XRCC5: variants seen among roughly 807,000 people sequenced by gnomAD.
The protein encoded by XRCC5 is X-ray repair cross complementing 5.
XRCC5 carries 12 observed loss-of-function variants against 95.7 expected under a neutral mutation model. The ratio of observed to expected loss-of-function variants is 0.13; its 90% CI spans 0.08 to 0.20. The LOEUF (loss-of-function observed/expected upper bound fraction) is 0.20. Ranked by LOEUF, XRCC5 falls within the 10% of genes least tolerant of loss-of-function variation. The pLI is 1.00. For synonymous variants in XRCC5, 281 were observed against 290.3 expected (o/e 0.97, Z 0.33); for missense variants, 595 against 873.9 (o/e 0.68, Z 4.02).
chr2:216,114,257 T>G (rs1696643495), intron 2 of XRCC5, among the ~76,000 whole-genome samples: 1 of 152,178 alleles, frequency 6.6e-6, no homozygotes, highest in Admixed American at 6.5e-5. Flanking sequence ...AGTTCCTGCT[T>G]CTTTCATTGT....
chr2:216,129,138 T>A (rs764048676), intron 8 of XRCC5, among the ~76,000 whole-genome samples: 11 of 152,184 alleles, frequency 7.2e-5, no homozygotes, highest in Non-Finnish European at 1.5e-4. Flanking sequence ...GATCTAGTGA[T>A]AAGGATGGAT....
At position 216,166,492 on chromosome 2, in the gene XRCC5, T is replaced by C. The variant is rs140830930; in HGVS notation, c.1834+4444T>C. 2.5e-3 allele frequency among the ~76,000 whole-genome samples: 387 copies of C among 152,320 alleles called. 3 individuals carry two copies. Among genetic ancestry groups the C allele is most frequent in the African/African-American group, 8.6e-3 (357 of 41,582 alleles). On this transcript the variant is annotated intron_variant, in intron 16 of 20. Coordinates refer to ENST00000392132, the MANE Select transcript of XRCC5 (RefSeq NM_021141.4). Reference sequence around the variant, plus strand: ...AGTTATGAAAGTAGGGTTGTTTCCCTACATACACTATTCATAAGCACATCA... The same window carrying C: ...AGTTATGAAAGTAGGGTTGTTTCCCCACATACACTATTCATAAGCACATCA...
chr2:216,131,422 C>G (rs941215835), intron 9 of XRCC5, among the ~76,000 whole-genome samples: 1 of 152,304 alleles, frequency 6.6e-6, no homozygotes, highest in African/African-American at 2.4e-5. Context: ...AAACCGCAGG[C>G]TCCAGATTTC....
intron 8 of XRCC5, chr2:216,130,566 T>G (rs1317001096): frequency 4.7e-6 from 1 of 211,886 alleles, no homozygotes; most frequent in Non-Finnish European, 9.2e-6. Context: ...GGAGGATAAC[T>G]AGTACGTTAA....
intron 20 of XRCC5, among the ~76,000 whole-genome samples, chr2:216,204,898 CTT>C (rs952581462): frequency 3.9e-5 from 6 of 152,162 alleles, no homozygotes; most frequent in Admixed American, 3.9e-4. Flanking sequence ...TAGTAAATGT[CTT>C]TTGTATCTAT....
chr2:216,192,393 A>G (rs755464628), intron 17 of XRCC5, among the ~76,000 whole-genome samples: 7 of 152,216 alleles, frequency 4.6e-5, no homozygotes, highest in African/African-American at 9.6e-5. Flanking sequence ...GTTAAAAACA[A>G]AGGGCTAGGC....
intron 3 of XRCC5, 180 bp downstream of exon 3, chr2:216,117,022 C>T: frequency 3.0e-6 from 2 of 660,828 alleles, no homozygotes; most frequent in Non-Finnish European, 5.1e-6. Flanking sequence ...TAAAACAGTG[C>T]CTGGGCTCCC....
chr2:216,121,946 T>C, intron 5 of XRCC5, 116 bp from the exon 6 acceptor site: 1 of 929,096 alleles, frequency 1.1e-6, no homozygotes, highest in Non-Finnish European at 1.5e-6. Flanking sequence ...TAAGAGTCGT[T>C]TGACAGATGA....
At chr2:216,120,874 T>G (rs1359069178) in intron 5 of XRCC5, among the ~76,000 whole-genome samples, 1 of 152,158 alleles carries the variant, frequency 6.6e-6, no homozygotes, top group Non-Finnish European at 1.5e-5. Context: ...TAGCTGGGAT[T>G]TCAGGTGTGT....
intron 14 of XRCC5, among the ~76,000 whole-genome samples, chr2:216,152,480 C>T (rs1319147644): frequency 6.6e-6 from 1 of 151,844 alleles, no homozygotes; most frequent in African/African-American, 2.4e-5. Context: ...GAACACAAAG[C>T]GTAACCGTAT....
chr2:216,167,947 A>G (rs1010543228), intron 16 of XRCC5, among the ~76,000 whole-genome samples: 4 of 152,134 alleles, frequency 2.6e-5, no homozygotes, highest in African/African-American at 9.7e-5. Flanking sequence ...TGTACTTTGT[A>G]TTTTTATTAA....
At position 216,122,094 on chromosome 2, in the gene XRCC5, G is replaced by A. The variant is rs1168310868; in HGVS notation, c.524G>A (p.Ser175Asn). 1 of 1,613,338 alleles carries A rather than the reference G, an allele frequency of 6.2e-7. No homozygotes were observed. ...TTCTCACTTGGCAAGGAAGATGGAA[G>A]TGGGGACAGAGGAGATGGCCCCTTT... The part of the protein sequence containing the change: ...LPFSLGKEDG[S>N]GDRGDGPFRL... Residue 175 changes from serine to asparagine, a missense_variant, in exon 6 of 21, where the codon AGT (serine) becomes AAT (asparagine). Coordinates refer to ENST00000392132, the MANE Select transcript of XRCC5 (RefSeq NM_021141.4).
intron 12 of XRCC5, 96 bp downstream of exon 12, chr2:216,138,275 A>G (rs894487929): frequency 9.5e-7 from 1 of 1,047,458 alleles, no homozygotes; most frequent in South Asian, 1.3e-5. Context: ...AGGTATTTAT[A>G]GGGTGCAATT....
chr2:216,202,987 ATATTT>A (rs1689868168), intron 19 of XRCC5, among the ~76,000 whole-genome samples: 2 of 152,184 alleles, frequency 1.3e-5, no homozygotes, highest in South Asian at 2.1e-4. Flanking sequence ...TTAAAGAGAC[ATATTT>A]TAGTTTATTT....
chr2:216,190,098 A>G (rs1689586929), intron 16 of XRCC5, 127 bp from the exon 17 acceptor site: 3 of 635,114 alleles, frequency 4.7e-6, no homozygotes, highest in Non-Finnish European at 7.6e-6. Context: ...TAAAAGAAGT[A>G]TGGCAATTGT....
chr2:216,164,971 G>A (rs1689027535), intron 16 of XRCC5, among the ~76,000 whole-genome samples: 1 of 152,132 alleles, frequency 6.6e-6, no homozygotes, highest in South Asian at 2.1e-4. Context: ...CCATGGGATT[G>A]GGGATTCAGA....
At chr2:216,177,495 T>G (rs900621669) in intron 16 of XRCC5, among the ~76,000 whole-genome samples, 1 of 152,208 alleles carries the variant, frequency 6.6e-6, no homozygotes, top group Non-Finnish European at 1.5e-5. Flanking sequence ...GCTGCAAGAC[T>G]GTATGTGTTT....
chr2:216,185,294 T>A (rs3770494), intron 16 of XRCC5, among the ~76,000 whole-genome samples: 32,684 of 152,074 alleles, frequency 0.21, 5,236 homozygotes, highest in African/African-American at 0.46. Context: ...CTTGTGTTGG[T>A]CCCTGACTGA....
chr2:216,185,745 G>A (rs1485626067), intron 16 of XRCC5, among the ~76,000 whole-genome samples: 2 of 149,156 alleles, frequency 1.3e-5, no homozygotes, highest in Admixed American at 6.7e-5. Flanking sequence ...GCATGATCTC[G>A]GCTCACTGCA....
Sources: allele counts gnomAD v4.1 joint callset (sites outside exome capture counted in the v4.1 genomes callset), GRCh38; gene constraint gnomAD v4.1.1; transcripts MANE v1.5; gene names NCBI Gene and HGNC (gene_info 2026-07-23, HGNC 2026-07-21).